The following LHFPL3 variants were observed in gnomAD, a reference collection of about 807,000 sequenced individuals.
LHFPL3 encodes LHFPL tetraspan subfamily member 3.
In LHFPL3, 5 loss-of-function variants were observed where a neutral mutation model predicts 19.3. That is an observed-to-expected ratio of 0.26 (90% CI 0.14 to 0.54). LHFPL3 has a LOEUF of 0.54. Among genes scored for constraint, LHFPL3 ranks in the 20% least tolerant of loss-of-function variants. The pLI is 0.94. For synonymous variants in LHFPL3, 133 were observed against 126.2 expected, an observed-to-expected ratio of 1.05 and a Z score of -0.36; for missense variants, 249 against 307.4, an observed-to-expected ratio of 0.81 and a Z score of 1.42.
intron 2 of LHFPL3, among the ~76,000 whole-genome samples, chr7:104,874,283 ATCTAAT>A (rs1791891846): frequency 6.6e-6 from 1 of 152,168 alleles, no homozygotes; most frequent in African/African-American, 2.4e-5. Flanking sequence ...CATAATTGCA[ATCTAAT>A]TTATTTGCTT....
At chr7:104,550,093 C>T (rs1010281711) in intron 1 of LHFPL3, among the ~76,000 whole-genome samples, 2 of 152,032 alleles carry the variant, frequency 1.3e-5, no homozygotes, top group East Asian at 1.9e-4. Flanking sequence ...GCAGATTGAA[C>T]CTAAAAGTGG....
chr7:104,641,359 T>C (rs1791829950), intron 1 of LHFPL3, among the ~76,000 whole-genome samples: 1 of 152,216 alleles, frequency 6.6e-6, no homozygotes, highest in Non-Finnish European at 1.5e-5. Context: ...GCTCCCTTGC[T>C]TAATGCACTG....
intron 1 of LHFPL3, among the ~76,000 whole-genome samples, chr7:104,521,596 C>A (rs1194271643): frequency 6.6e-6 from 1 of 151,992 alleles, no homozygotes; most frequent in African/African-American, 2.4e-5. Context: ...TCAGAGTGAA[C>A]AGGCAACCTA....
chr7:104,552,344 T>A (rs1216651091), intron 1 of LHFPL3, among the ~76,000 whole-genome samples: 1 of 152,176 alleles, frequency 6.6e-6, no homozygotes, highest in African/African-American at 2.4e-5. Context: ...GCCTTTCTAA[T>A]AAGGGAGGGT....
chr7:104,789,912 A>G (rs1249023053), intron 2 of LHFPL3, among the ~76,000 whole-genome samples: 1 of 152,152 alleles, frequency 6.6e-6, no homozygotes, highest in Non-Finnish European at 1.5e-5. Context: ...AATTTTTTCT[A>G]GCGGTTTTTT....
chr7:104,744,245 C>T (rs1793998634), intron 2 of LHFPL3: 2 of 152,072 alleles, frequency 1.3e-5, no homozygotes, highest in South Asian at 4.1e-4. Context: ...TATTAATCAA[C>T]AGTTTAATGC....
At chr7:104,332,128 T>A (rs1801576844) in intron 1 of LHFPL3, among the ~76,000 whole-genome samples, 1 of 151,632 alleles carries the variant, frequency 6.6e-6, no homozygotes, top group African/African-American at 2.4e-5. Context: ...TCATTGGAAA[T>A]CAAACTATTC....
chr7:104,391,130 A>C lies in LHFPL3; in HGVS notation c.445+61906A>C, dbSNP rs1429365396. On this transcript the variant is annotated intron_variant, in intron 1 of 2. Coordinates refer to ENST00000424859, the MANE Select transcript of LHFPL3 (RefSeq NM_199000.3). The stretch of plus-strand genomic sequence containing the variant: ...TTGCAAACATTTTCTCCCATTCTGT[A>C]GTTTGCCTGTTCACTCTGATGGTAC... Among the ~76,000 whole-genome samples, 4 of 152,224 alleles carry C rather than the reference A, an allele frequency of 2.6e-5. No homozygotes were observed. The East Asian group carries it at 5.8e-4, about 22-fold the overall frequency.
intron 1 of LHFPL3, among the ~76,000 whole-genome samples, chr7:104,665,961 C>A (rs1369771664): frequency 6.6e-6 from 1 of 152,196 alleles, no homozygotes; most frequent in African/African-American, 2.4e-5. Flanking sequence ...ACTCCAAACT[C>A]ATTGCAGGTA....
At chr7:104,630,577 G>A (rs542805674) in intron 1 of LHFPL3, among the ~76,000 whole-genome samples, 1 of 152,182 alleles carries the variant, frequency 6.6e-6, no homozygotes, top group Non-Finnish European at 1.5e-5. Context: ...TTAGCACCAT[G>A]TGATCCAAGG....
intron 2 of LHFPL3, among the ~76,000 whole-genome samples, chr7:104,829,158 C>T (rs563227880): frequency 6.6e-6 from 1 of 151,982 alleles, no homozygotes; most frequent in African/African-American, 2.4e-5. Context: ...AAACAGCACA[C>T]CCCCATTAAG....
At chr7:104,344,865 TG>T (rs1206873239) in intron 1 of LHFPL3, among the ~76,000 whole-genome samples, 1 of 152,222 alleles carries the variant, frequency 6.6e-6, no homozygotes, top group Non-Finnish European at 1.5e-5. Flanking sequence ...GGTCTTTTTT[TG>T]TTTCATTTGT....
chr7:104,886,323 GC>G (rs1422936025), intron 2 of LHFPL3, among the ~76,000 whole-genome samples: 2 of 152,132 alleles, frequency 1.3e-5, no homozygotes, highest in Non-Finnish European at 2.9e-5. Flanking sequence ...GTGGCTCAAA[GC>G]CCCATCTGAG....
intron 2 of LHFPL3, among the ~76,000 whole-genome samples, chr7:104,810,192 G>A (rs535277068): frequency 6.4e-4 from 98 of 152,276 alleles, no homozygotes; most frequent in African/African-American, 2.1e-3. Flanking sequence ...ATAACATGAG[G>A]AGTGCCAAAG....
intron 1 of LHFPL3, among the ~76,000 whole-genome samples, chr7:104,337,995 C>T (rs532929059): frequency 9.3e-5 from 14 of 150,324 alleles, no homozygotes; most frequent in Non-Finnish European, 1.3e-4. Flanking sequence ...GATATCAGTT[C>T]GTAGATAATC....
intron 2 of LHFPL3, among the ~76,000 whole-genome samples, chr7:104,878,384 A>T (rs931283129): frequency 3.3e-5 from 5 of 151,968 alleles, no homozygotes; most frequent in Non-Finnish European, 7.4e-5. Flanking sequence ...TGTTATTCTC[A>T]TAATATGTCA....
At chr7:104,438,691 G>C (rs918715262) in intron 1 of LHFPL3, among the ~76,000 whole-genome samples, 2 of 151,158 alleles carry the variant, frequency 1.3e-5, no homozygotes, top group Non-Finnish European at 2.9e-5. Context: ...TGTCAAGAAG[G>C]TAAAAAAAAA....
At chr7:104,687,004 C>T (rs1321430662) in intron 1 of LHFPL3, among the ~76,000 whole-genome samples, 1 of 152,168 alleles carries the variant, frequency 6.6e-6, no homozygotes, top group Non-Finnish European at 1.5e-5. Context: ...ATCTAATCAC[C>T]TCCTACAAGG....
intron 2 of LHFPL3, among the ~76,000 whole-genome samples, chr7:104,883,521 CCTTA>C (rs943965695): frequency 2.1e-4 from 32 of 152,154 alleles, no homozygotes; most frequent in African/African-American, 7.7e-4. Flanking sequence ...GGGAGCTTTT[CCTTA>C]CTATTTAATG....
Sources: gnomAD v4.1 joint callset for allele counts (sites outside exome capture counted in the v4.1 genomes callset) on GRCh38, gnomAD v4.1.1 for gene constraint, MANE v1.5 for transcripts, NCBI Gene and HGNC (gene_info 2026-07-23, HGNC 2026-07-21) for gene names.